Variants in ATP8A1 observed in about 807,000 individuals in gnomAD.
The protein encoded by ATP8A1 is ATPase phospholipid transporting 8A1.
A neutral mutation model predicts 177.7 loss-of-function variants in ATP8A1; 90 were observed. The ratio of observed to expected loss-of-function variants is 0.51; its 90% CI spans 0.43 to 0.60. The LOEUF (loss-of-function observed/expected upper bound fraction) is 0.60, where lower values mean the gene tolerates loss of function less well. Among genes scored for constraint, ATP8A1 ranks in the 20% least tolerant of loss-of-function variants. ATP8A1 has a pLI of 0.00. For synonymous variants in ATP8A1, 493 were observed against 485.9 expected, an observed-to-expected ratio of 1.01 and a Z score of -0.19; for missense variants, 1,072 against 1,392.8, an observed-to-expected ratio of 0.77 and a Z score of 3.67.
chr4:42,569,074 T>A (rs1731644577), intron 15 of ATP8A1, 87 bp downstream of exon 15: 3 of 663,046 alleles, frequency 4.5e-6, no homozygotes, highest in African/African-American at 1.9e-5. Flanking sequence ...TATATTTATA[T>A]AAAAGAGAGT....
intron 14 of ATP8A1, among the ~76,000 whole-genome samples, chr4:42,571,040 G>A (rs1331010602): frequency 6.6e-6 from 1 of 152,142 alleles, no homozygotes; most frequent in Non-Finnish European, 1.5e-5. Context: ...CTATCAAAGT[G>A]TCACATACAT....
Position 42,446,645 on chromosome 4 carries a change from C to T in ATP8A1, c.2897-1G>A, listed in dbSNP as rs1400256406. 1 of 1,613,140 alleles carries T rather than the reference C, an allele frequency of 6.2e-7. No individual in the cohort carries two copies. Among genetic ancestry groups the T allele is most frequent in the East Asian group, 2.2e-5 (1 of 44,862 alleles). The stretch of plus-strand genomic sequence containing the variant: ...GTTTTCCCATTTCCAAATGCAGTAC[C>T]TGTACGAAAAGGAGAGGCCTATTAG... On this transcript the variant is annotated splice_acceptor_variant, in intron 30 of 36. Transcript: ENST00000381668. LOFTEE classifies it high-confidence loss of function.
intron 27 of ATP8A1, among the ~76,000 whole-genome samples, chr4:42,464,466 T>C (rs1348456686): frequency 1.3e-5 from 2 of 152,160 alleles, no homozygotes; most frequent in Admixed American, 6.5e-5. Context: ...GGTTTCACCA[T>C]GTTGGCTAAG....
intron 23 of ATP8A1, 81 bp downstream of exon 23, chr4:42,506,935 G>GA: frequency 6.8e-7 from 1 of 1,469,374 alleles, no homozygotes; most frequent in Non-Finnish European, 9.3e-7. Flanking sequence ...TTTAGATCTT[G>GA]AAATGTCTCA....
intron 15 of ATP8A1, among the ~76,000 whole-genome samples, chr4:42,568,469 T>C (rs1349507251): frequency 6.6e-6 from 1 of 152,206 alleles, no homozygotes. Context: ...CATGATGAAT[T>C]ATAGAAATAT....
intron 33 of ATP8A1, among the ~76,000 whole-genome samples, chr4:42,432,968 C>T (rs1318263071): frequency 2.0e-5 from 3 of 152,160 alleles, no homozygotes; most frequent in African/African-American, 7.2e-5. Context: ...GCATTTATCA[C>T]TTCCTCTGAC....
At chr4:42,470,887 C>T (rs367915424) in intron 25 of ATP8A1, among the ~76,000 whole-genome samples, 1 of 152,202 alleles carries the variant, frequency 6.6e-6, no homozygotes, top group East Asian at 1.9e-4. Flanking sequence ...AACAAACTTC[C>T]TAAGATTTCT....
intron 33 of ATP8A1, among the ~76,000 whole-genome samples, chr4:42,438,496 G>A (rs1232998796): frequency 6.6e-6 from 1 of 152,072 alleles, no homozygotes; most frequent in Non-Finnish European, 1.5e-5. Flanking sequence ...AGAGGCAAGA[G>A]GCTAGGATAT....
At position 42,656,947 on chromosome 4, in the gene ATP8A1, G is replaced by A; in HGVS notation, c.-74C>T. On this transcript the variant is annotated 5_prime_UTR_variant, in exon 1 of 37. Transcript: ENST00000381668. ...ACGGCGTGGTACACGCGGGAGACCCGGCTGCGCCGCGCAGAGCGCTCAGCT... is the reference window on the plus strand; with the variant it reads ...ACGGCGTGGTACACGCGGGAGACCCAGCTGCGCCGCGCAGAGCGCTCAGCT... The A allele has an allele frequency of 7.2e-7, 1 of 1,386,188 alleles. No homozygotes were observed. 85.9% of individuals were successfully genotyped at this position (1,386,188 alleles called of 1,614,324 possible).
intron 4 of ATP8A1, among the ~76,000 whole-genome samples, chr4:42,616,899 G>A (rs1736974010): frequency 6.6e-6 from 1 of 152,130 alleles, no homozygotes; most frequent in Non-Finnish European, 1.5e-5. Context: ...GTTTTCCATG[G>A]CTTCCATCTA....
At chr4:42,602,906 A>G (rs1735440173) in intron 5 of ATP8A1, among the ~76,000 whole-genome samples, 1 of 152,190 alleles carries the variant, frequency 6.6e-6, no homozygotes, top group South Asian at 2.1e-4. Context: ...GTTCAAATCA[A>G]CTACACCCAA....
At chr4:42,483,377 GA>G (rs35565389) in intron 25 of ATP8A1, among the ~76,000 whole-genome samples, 10,028 of 134,364 alleles carry the variant, frequency 0.075, 468 homozygotes, top group African/African-American at 0.15. Context: ...TGTGACTTAA[GA>G]AAAAAAAAAA....
chr4:42,476,290 G>C (rs1486964797), intron 25 of ATP8A1, among the ~76,000 whole-genome samples: 7 of 152,220 alleles, frequency 4.6e-5, no homozygotes, highest in Admixed American at 2.0e-4. Flanking sequence ...ATGTGTAAAA[G>C]ACCTACATGA....
chr4:42,507,263 T>C, intron 22 of ATP8A1, 109 bp from the exon 23 acceptor site: 1 of 1,137,874 alleles, frequency 8.8e-7, no homozygotes, highest in Non-Finnish European at 1.2e-6. Context: ...TGATAATTCA[T>C]GGACTTTGGT....
intron 33 of ATP8A1, among the ~76,000 whole-genome samples, chr4:42,432,252 T>TAACA (rs1715391522): frequency 1.3e-5 from 2 of 152,182 alleles, no homozygotes; most frequent in Non-Finnish European, 2.9e-5. Flanking sequence ...TTAACATCTA[T>TAACA]ATTTTTACAG....
intron 22 of ATP8A1, among the ~76,000 whole-genome samples, chr4:42,517,095 A>T (rs1473837073): frequency 6.7e-6 from 1 of 148,990 alleles, no homozygotes; most frequent in African/African-American, 2.6e-5. Context: ...AGGTCAGGAG[A>T]TCGAGACCAT....
chr4:42,518,522 C>T (rs1382893421), intron 22 of ATP8A1, among the ~76,000 whole-genome samples: 1 of 152,184 alleles, frequency 6.6e-6, no homozygotes, highest in East Asian at 1.9e-4. Flanking sequence ...TGGATCTCCT[C>T]TCTACTCTTA....
chr4:42,437,480 G>A (rs1035314329), intron 33 of ATP8A1, among the ~76,000 whole-genome samples: 1 of 152,182 alleles, frequency 6.6e-6, no homozygotes, highest in South Asian at 2.1e-4. Context: ...TGTGAGAGGA[G>A]AGGAAGACAG....
At chr4:42,475,965 G>T (rs993358336) in intron 25 of ATP8A1, among the ~76,000 whole-genome samples, 3 of 152,034 alleles carry the variant, frequency 2.0e-5, no homozygotes, top group Non-Finnish European at 4.4e-5. Flanking sequence ...CTTGAACCCG[G>T]GGAGGCAGAG....
Sources: allele counts gnomAD v4.1 joint callset (sites outside exome capture counted in the v4.1 genomes callset), GRCh38; gene constraint gnomAD v4.1.1; transcripts MANE v1.5; gene names NCBI Gene and HGNC (gene_info 2026-07-23, HGNC 2026-07-21).